Variants in PCDHGB2 observed in about 807,000 individuals in gnomAD.
PCDHGB2 encodes the protein protocadherin gamma subfamily B, 2.
In PCDHGB2, 55 loss-of-function variants were observed where a neutral mutation model predicts 59.3. The observed-to-expected ratio is 0.93, with a 90% CI of 0.75 to 1.16. The LOEUF (loss-of-function observed/expected upper bound fraction) is 1.16, where lower values mean the gene tolerates loss of function less well. PCDHGB2 is among the 50% of genes most tolerant of loss of function. The pLI, the probability that PCDHGB2 is intolerant of heterozygous loss-of-function variation, is 0.00. For missense variants in PCDHGB2, 1,228 were observed against 1,198.5 expected (o/e 1.02, Z -0.36); for synonymous variants, 516 against 512.0 (o/e 1.01, Z -0.11).
At chr5:141,418,196 C>G in intron 1 of PCDHGB2, 1 of 1,614,032 alleles carries the variant, frequency 6.2e-7, no homozygotes, top group Non-Finnish European at 8.5e-7. Context: ...GGTGGAAAAT[C>G]CTTTAAATAT....
intron 1 of PCDHGB2, chr5:141,422,145 G>A: frequency 1.3e-6 from 2 of 1,580,726 alleles, no homozygotes; most frequent in Non-Finnish European, 8.6e-7. Context: ...AAGTACGGGG[G>A]TCTCTGGATT....
intron 1 of PCDHGB2, among the ~76,000 whole-genome samples, chr5:141,406,072 C>CTTT (rs530474569): frequency 7.1e-6 from 1 of 141,484 alleles, no homozygotes. Flanking sequence ...ATTCTTACTC[C>CTTT]TTTTTTTTTT....
At position 141,494,833 on chromosome 5, in the gene PCDHGB2, T is replaced by C. The variant is rs537340090; in HGVS notation, c.2448T>C (p.Arg816=). 1 of 1,614,094 alleles carries C rather than the reference T, an allele frequency of 6.2e-7. No homozygotes were observed. The highest frequency in any genetic ancestry group is 1.7e-5 in the Admixed American group (1 of 60,014). Residue 816 remains arginine, a synonymous_variant, in exon 2 of 4, where the codon CGT becomes CGC. Coordinates refer to ENST00000522605, the MANE Select transcript of PCDHGB2 (RefSeq NM_018923.3). ...LKQAPPNTDW[R]FSQAQRPGTS... Reference sequence around the variant, plus strand: ...AAGCCCCGCCCAACACGGACTGGCGTTTCTCTCAGGCCCAGAGACCCGGCA... The same window carrying C: ...AAGCCCCGCCCAACACGGACTGGCGCTTCTCTCAGGCCCAGAGACCCGGCA...
intron 1 of PCDHGB2, chr5:141,423,195 G>A: frequency 1.2e-6 from 2 of 1,613,544 alleles, no homozygotes; most frequent in Non-Finnish European, 8.5e-7. Flanking sequence ...CCCCTCTCTC[G>A]GCCACCGTCA....
intron 1 of PCDHGB2, chr5:141,420,280 T>C: frequency 6.6e-7 from 1 of 1,513,274 alleles, no homozygotes; most frequent in Non-Finnish European, 8.9e-7. Context: ...AACAGGTAAG[T>C]ATTTAAAAAT....
At chr5:141,395,156 T>C in intron 1 of PCDHGB2, 4 of 1,614,114 alleles carry the variant, frequency 2.5e-6, no homozygotes, top group East Asian at 4.5e-5. Context: ...TGCTCATCAG[T>C]CAGGAGGGCT....
At chr5:141,399,796 C>T (rs62621781) in intron 1 of PCDHGB2, 21,149 of 1,613,212 alleles carry the variant, frequency 0.013, 194 homozygotes, top group Non-Finnish European at 0.015. Context: ...CAACGCACCG[C>T]GGGTGCTGTA....
At chr5:141,419,959 T>C (rs765017440) in intron 1 of PCDHGB2, 5 of 1,614,104 alleles carry the variant, frequency 3.1e-6, no homozygotes, top group Non-Finnish European at 3.4e-6. Flanking sequence ...CCTTGATTTC[T>C]GTGCTCTTTC....
intron 1 of PCDHGB2, among the ~76,000 whole-genome samples, chr5:141,369,540 A>G (rs983606884): frequency 1.3e-5 from 2 of 152,200 alleles, no homozygotes; most frequent in African/African-American, 4.8e-5. Context: ...TATTTAATTA[A>G]AAGTAGACAC....
chr5:141,435,990 T>C (rs1175877769), intron 1 of PCDHGB2, among the ~76,000 whole-genome samples: 1 of 152,162 alleles, frequency 6.6e-6, no homozygotes, highest in Non-Finnish European at 1.5e-5. Flanking sequence ...TTGTGTGATT[T>C]TTTGAAAGAA....
chr5:141,436,406 G>T (rs1403133377), intron 1 of PCDHGB2, among the ~76,000 whole-genome samples: 3 of 152,308 alleles, frequency 2.0e-5, no homozygotes, highest in East Asian at 3.9e-4. Context: ...GTTGTTGAAT[G>T]AATGGATAAA....
At position 141,361,145 on chromosome 5, in the gene PCDHGB2, T is replaced by A; in HGVS notation, c.1010T>A (p.Ile337Asn). 1 of 1,613,964 alleles carries A rather than the reference T, an allele frequency of 6.2e-7. No homozygotes were observed. Among genetic ancestry groups the A allele is most frequent in the East Asian group, 2.2e-5 (1 of 44,872 alleles). ...GCCCACTGCAGTATCCAAGTTGAAA[T>A]TCTTGATGACAACGATTGTGCACCT... ...LAAHCSIQVE[I>N]LDDNDCAPEV... Residue 337 changes from isoleucine (I) to asparagine (N), a missense_variant, in exon 1 of 4, where the codon ATT becomes AAT. Around this residue, in one of 3 missense-constraint regions of PCDHGB2, gnomAD observed 781 missense variants for 721.6 expected, o/e 1.08. Transcript: ENST00000522605.
At chr5:141,438,303 T>G (rs2097949191) in intron 1 of PCDHGB2, among the ~76,000 whole-genome samples, 1 of 152,068 alleles carries the variant, frequency 6.6e-6, no homozygotes, top group African/African-American at 2.4e-5. Flanking sequence ...TAAAAGAAGT[T>G]GGTACCACCA....
At chr5:141,410,849 C>CTTTTTTGTTTTTTTTTTTTTTT (rs2095433183) in intron 1 of PCDHGB2, 1 of 129,786 alleles carries the variant, frequency 7.7e-6, no homozygotes, top group African/African-American at 6.0e-5. Flanking sequence ...TTGTCTTTGT[C>CTTTTTTGTTTTTTTTTTTTTTT]TTTTTTTTTT....
At chr5:141,404,518 T>C (rs775647026) in intron 1 of PCDHGB2, 16 of 1,613,656 alleles carry the variant, frequency 9.9e-6, no homozygotes, top group Non-Finnish European at 1.4e-5. Flanking sequence ...CCTTTGACTA[T>C]GAGCAGTTTA....
At chr5:141,387,558 C>G (rs1456100013) in intron 1 of PCDHGB2, 1 of 417,976 alleles carries the variant, frequency 2.4e-6, no homozygotes, top group Non-Finnish European at 4.2e-6. Context: ...TTCAGTTAGG[C>G]ACACAATTAT....
Position 141,486,915 on chromosome 5 carries a change from C to G in PCDHGB2, c.2422-7892C>G. The G allele has an allele frequency of 6.2e-7, 1 of 1,614,244 alleles. No individual in the cohort carries two copies. The highest frequency in any genetic ancestry group is 8.5e-7 in the Non-Finnish European group (1 of 1,180,046). ...GGTTCCTTATGTCCCCAAGCACTGCCTCCATCAGTTGGTGCTGGCCACCTA... is the reference window on the plus strand; with the variant it reads ...GGTTCCTTATGTCCCCAAGCACTGCGTCCATCAGTTGGTGCTGGCCACCTA... On this transcript the variant is annotated intron_variant, in intron 1 of 3. Transcript: ENST00000522605. This position sits in a 1 kb window ranked among gnomAD's most constrained non-coding sequence, Gnocchi z 5.0.
intron 1 of PCDHGB2, chr5:141,404,176 A>G (rs763166170): frequency 7.4e-6 from 12 of 1,613,206 alleles, no homozygotes; most frequent in South Asian, 2.2e-5. Context: ...TGACGGCCCA[A>G]ATTCTTGACC....
At chr5:141,430,115 A>G (rs930805574) in intron 1 of PCDHGB2, among the ~76,000 whole-genome samples, 1 of 152,194 alleles carries the variant, frequency 6.6e-6, no homozygotes, top group Non-Finnish European at 1.5e-5. Context: ...CATGTCAACA[A>G]CCTGGTAAAG....
Sources: allele counts gnomAD v4.1 joint callset (sites outside exome capture counted in the v4.1 genomes callset), GRCh38; gene constraint gnomAD v4.1.1; regional missense constraint gnomAD v4.1.1; non-coding constraint Gnocchi (gnomAD v3.1); transcripts MANE v1.5; gene names NCBI Gene and HGNC (gene_info 2026-07-23, HGNC 2026-07-21).